The following IL20RB variants were observed in gnomAD, a reference collection of about 807,000 sequenced individuals.
IL20RB encodes interleukin-20 receptor subunit beta.
IL20RB carries 21 observed loss-of-function variants against 33.3 expected under a neutral mutation model. That is an observed-to-expected ratio of 0.63 (90% CI 0.45 to 0.91). The LOEUF (loss-of-function observed/expected upper bound fraction) is 0.91. Ranked by LOEUF, IL20RB falls within the 40% of genes least tolerant of loss-of-function variation. The probability of loss-of-function intolerance (pLI) is 0.00; values close to 1 mark genes in which losing one functional copy is unlikely to be tolerated. For missense variants in IL20RB, 345 were observed against 384.8 expected (o/e 0.90, Z 0.86); for synonymous variants, 147 against 146.8 (o/e 1.00, Z -0.01).
At chr3:136,979,555 T>G (rs965115562) in intron 1 of IL20RB, among the ~76,000 whole-genome samples, 1 of 152,230 alleles carries the variant, frequency 6.6e-6, no homozygotes, top group Non-Finnish European at 1.5e-5. Flanking sequence ...TTTGGCTTTG[T>G]GACTGCCCAA....
rs1452024551 is a variant in IL20RB, at chr3:136,989,517, C to G, written c.483C>G (p.Pro161=). 2.5e-6 allele frequency: 4 copies of G among 1,613,924 alleles called. No homozygotes were observed. The highest frequency in any genetic ancestry group is 2.2e-5 in the East Asian group (1 of 44,874). The change falls in exon 4 of 7, where the codon CCC becomes CCG. Residue 161 remains proline (P), a synonymous_variant. Coordinates refer to ENST00000329582, the MANE Select transcript of IL20RB (RefSeq NM_144717.4). ...HLVIELEDLG[P]QFEFLVAYWR... ...TTATTGAGCTGGAGGACCTGGGGCC[C>G]CAGTTTGAGTTCCTTGTGGCCTACT...
rs2107722762 is a variant in IL20RB, at chr3:137,004,502, A to G, written c.826-5611A>G. Among the ~76,000 whole-genome samples the G allele has an allele frequency of 2.0e-5, 3 of 152,236 alleles. No individual in the cohort carries two copies. The East Asian group carries it at 5.8e-4, about 29-fold the overall frequency. On this transcript the variant is annotated intron_variant, in intron 6 of 6. Transcript: ENST00000329582. ...TCCTGGTTTAGTCTTGGGAGGGTGT[A>G]TGTGTCCAGGAATTTATCCATTTCT...
chr3:136,979,078 G>T (rs1941704717), intron 1 of IL20RB, among the ~76,000 whole-genome samples: 1 of 152,034 alleles, frequency 6.6e-6, no homozygotes, highest in South Asian at 2.1e-4. Context: ...AACTTTACCA[G>T]AGGAAGGTGT....
intron 5 of IL20RB, among the ~76,000 whole-genome samples, chr3:136,994,400 C>A (rs1400782220): frequency 6.6e-6 from 1 of 152,172 alleles, no homozygotes; most frequent in African/African-American, 2.4e-5. Flanking sequence ...TAAATATATA[C>A]ACCTACTATA....
In IL20RB at chr3:136,982,345, A is replaced by T; in HGVS notation, c.401A>T (p.Asn134Ile). The part of the protein sequence containing the change: ...WSILKHPFNR[N>I]STILTRPGME... The stretch of plus-strand genomic sequence containing the variant: ...ATCCTGAAGCATCCCTTTAATAGAA[A>T]CTCAAGTAAGGCACTTCTCTCCTTA... Residue 134 changes from asparagine (N) to isoleucine (I), a missense_variant, in exon 3 of 7, where the codon AAC becomes ATC. Coordinates refer to ENST00000329582, the MANE Select transcript of IL20RB (RefSeq NM_144717.4). The T allele has an allele frequency of 1.3e-6, 2 of 1,574,982 alleles. No homozygotes were observed. The highest frequency in any genetic ancestry group is 1.7e-6 in the Non-Finnish European group (2 of 1,152,330).
chr3:136,985,750 AG>A (rs1941883653), intron 3 of IL20RB, among the ~76,000 whole-genome samples: 2 of 152,160 alleles, frequency 1.3e-5, no homozygotes, highest in African/African-American at 4.8e-5. Flanking sequence ...TCTTCCCCAG[AG>A]AGTCTGGTTT....
chr3:136,963,805 C>T (rs1429512065), intron 1 of IL20RB, among the ~76,000 whole-genome samples: 5 of 103,078 alleles, frequency 4.9e-5, no homozygotes, highest in African/African-American at 1.9e-4. Flanking sequence ...AACGTGTCAT[C>T]TAGCATTAGG....
At chr3:136,990,278 A>C (rs1942005443) in intron 4 of IL20RB, among the ~76,000 whole-genome samples, 1 of 152,136 alleles carries the variant, frequency 6.6e-6, no homozygotes, top group Non-Finnish European at 1.5e-5. Flanking sequence ...AGGCAGCACA[A>C]GCAAAGATAG....
intron 5 of IL20RB, among the ~76,000 whole-genome samples, chr3:136,992,556 A>G (rs1318102688): frequency 6.6e-6 from 1 of 152,202 alleles, no homozygotes; most frequent in African/African-American, 2.4e-5. Flanking sequence ...TGAATATTTT[A>G]AGGTCAGAAA....
intron 3 of IL20RB, among the ~76,000 whole-genome samples, chr3:136,988,803 A>G (rs1473025335): frequency 6.6e-6 from 1 of 152,024 alleles, no homozygotes; most frequent in African/African-American, 2.4e-5. Flanking sequence ...AACTGGGCTG[A>G]GAATAGAATG....
Position 136,982,316 on chromosome 3 carries a change from G to A in IL20RB, c.372G>A (p.Trp124Ter). ...CATTGGGCTCACAGACCTCAGCCTGGAGCATCCTGAAGCATCCCTTTAATA... is the reference window on the plus strand; with the variant it reads ...CATTGGGCTCACAGACCTCAGCCTGAAGCATCCTGAAGCATCCCTTTAATA... Reference protein sequence around the residue: ...RATLGSQTSAWSILKHPFNRN... With the variant: ...RATLGSQTSA Residue 124 changes from tryptophan to a stop codon, truncating the protein, a stop_gained, in exon 3 of 7, where the codon TGG (tryptophan) becomes TGA (stop). Coordinates refer to ENST00000329582, the MANE Select transcript of IL20RB (RefSeq NM_144717.4). LOFTEE classifies it high-confidence loss of function. The A allele has an allele frequency of 6.2e-7, 1 of 1,605,240 alleles. No homozygotes were observed.
At chr3:136,971,551 A>T (rs1560066694) in intron 1 of IL20RB, among the ~76,000 whole-genome samples, 1 of 152,236 alleles carries the variant, frequency 6.6e-6, no homozygotes, top group Non-Finnish European at 1.5e-5. Flanking sequence ...TCTGTATGAT[A>T]AAATCGTTTA....
intron 3 of IL20RB, among the ~76,000 whole-genome samples, chr3:136,985,168 C>T (rs993084633): frequency 2.0e-5 from 3 of 152,074 alleles, no homozygotes; most frequent in Non-Finnish European, 2.9e-5. Context: ...ATGGAAGATA[C>T]GGTTCTATGA....
chr3:136,993,661 A>G (rs1361188014), intron 5 of IL20RB, among the ~76,000 whole-genome samples: 2 of 152,004 alleles, frequency 1.3e-5, no homozygotes, highest in African/African-American at 4.8e-5. Flanking sequence ...ATGAGTGAGA[A>G]CATGCAGTGT....
rs370491517 is a variant in IL20RB at position 136,995,539 on chromosome 3, G to A, written c.808G>A (p.Val270Ile). 11 of 1,614,012 alleles carry A rather than the reference G, an allele frequency of 6.8e-6. No individual in the cohort carries two copies. Among genetic ancestry groups the A allele is most frequent in the Non-Finnish European group, 6.8e-6 (8 of 1,180,036 alleles). ...CCAGTACTCCTGTTGCCCCGTGGTG[G>A]TCCTCCCAGACACCTTGGTAATAGA... ...LLQYSCCPVV[V>I]LPDTLKITNS... Residue 270 changes from valine to isoleucine, a missense_variant, in exon 6 of 7, where the codon GTC becomes ATC. Physicochemically the swap from Val to Ile is conservative, Grantham distance 29. Transcript: ENST00000329582.
Position 137,005,587 on chromosome 3 carries a change from C to T in IL20RB, c.826-4526C>T, listed in dbSNP as rs536923497. Among the ~76,000 whole-genome samples the T allele has an allele frequency of 2.6e-5, 4 of 152,178 alleles. No individual in the cohort carries two copies. In the East Asian group the frequency reaches 7.7e-4, roughly 29 times the overall value. ...GTTTTATCAGAGACTAGGATTGCAA[C>T]CCCTGCTTTTTTTTCGCTTTCCATT... is the stretch of plus-strand genomic sequence containing the variant. On this transcript the variant is annotated intron_variant, in intron 6 of 6. Transcript: ENST00000329582.
At chr3:137,003,306 G>A (rs1209037401) in intron 6 of IL20RB, among the ~76,000 whole-genome samples, 1 of 152,196 alleles carries the variant, frequency 6.6e-6, no homozygotes, top group Non-Finnish European at 1.5e-5. Flanking sequence ...ATTCTGTGAA[G>A]AAAGTTATTG....
chr3:136,998,776 C>A (rs1942184245), intron 6 of IL20RB, among the ~76,000 whole-genome samples: 1 of 152,124 alleles, frequency 6.6e-6, no homozygotes, highest in African/African-American at 2.4e-5. Flanking sequence ...TCTTTCTTGG[C>A]CTCCCAAAGT....
In IL20RB at chr3:136,997,804, C is replaced by T. The variant is rs985930888; in HGVS notation, c.825+2248C>T. ...CTTTTTTTTTTTTGAGACGGAGTCC[C>T]ACCCTGTCACCCAGGCTGGAGTACA... On this transcript the variant is annotated intron_variant, in intron 6 of 6. Coordinates refer to ENST00000329582, the MANE Select transcript of IL20RB (RefSeq NM_144717.4). Among the ~76,000 whole-genome samples the T allele has an allele frequency of 1.3e-4, 19 of 151,584 alleles. No homozygotes were observed. In the East Asian group the frequency reaches 3.1e-3, roughly 25 times the overall value.
Sources: gnomAD v4.1 joint callset for allele counts (sites outside exome capture counted in the v4.1 genomes callset) on GRCh38, gnomAD v4.1.1 for gene constraint, MANE v1.5 for transcripts, NCBI Gene and HGNC (gene_info 2026-07-23, HGNC 2026-07-21) for gene names.